SLIT2: variants seen among roughly 807,000 people sequenced by gnomAD.
SLIT2 encodes slit guidance ligand 2, also known as slit homolog 2 protein.
A neutral mutation model predicts 185.7 loss-of-function variants in SLIT2; 41 were observed. The ratio of observed to expected loss-of-function variants is 0.22; its 90% CI spans 0.17 to 0.29. The LOEUF (loss-of-function observed/expected upper bound fraction) is 0.29. Ranked by LOEUF, SLIT2 falls within the 10% of genes least tolerant of loss-of-function variation. The pLI is 1.00. For synonymous variants in SLIT2, 693 were observed against 680.2 expected, an observed-to-expected ratio of 1.02 and a Z score of -0.29; for missense variants, 1,571 against 1,909.0, an observed-to-expected ratio of 0.82 and a Z score of 3.30.
rs901934103 is a variant in SLIT2 at position 20,602,246 on chromosome 4, G to A, written c.3692+3851G>A. 6.6e-5 allele frequency among the ~76,000 whole-genome samples: 10 copies of A among 152,240 alleles called. No individual in the cohort carries two copies. The Middle Eastern group carries it at 0.01, about 155-fold the overall frequency. On this transcript the variant is annotated intron_variant, in intron 33 of 36. Coordinates refer to ENST00000504154, the MANE Select transcript of SLIT2 (RefSeq NM_004787.4). The stretch of plus-strand genomic sequence containing the variant: ...TTTTACAAAAGTTAATGAAAAATAT[G>A]TGCTTCTTTCTTTAAATTCAAATTA...
chr4:20,567,171 A>T (rs1036276241), intron 26 of SLIT2, 91 bp from the exon 27 acceptor site: 18 of 1,114,320 alleles, frequency 1.6e-5, no homozygotes, highest in Non-Finnish European at 2.3e-5. Flanking sequence ...TAATAATTTT[A>T]TATGAAATTT....
Position 20,553,771 on chromosome 4 carries a change from ATGTGTGTGTGCTTC to A in SLIT2, c.2562-29_2562-16del, listed in dbSNP as rs1560190287. ...TGTGTGTGTGTATGTGTGTGTGTGTATGTGTGTGTGCTTCTGTGGTGTTGTTTTTCCAGAGCAAT... is the reference window on the plus strand; with the variant it reads ...TGTGTGTGTGTATGTGTGTGTGTGTATGTGGTGTTGTTTTTCCAGAGCAAT... On this transcript the variant is annotated intron_variant, in intron 25 of 36. Transcript: ENST00000504154. 2 of 1,496,426 alleles carry A rather than the reference ATGTGTGTGTGCTTC, an allele frequency of 1.3e-6. No homozygotes were observed. The highest frequency in any genetic ancestry group is 1.8e-6 in the Non-Finnish European group (2 of 1,119,720). The allele number at this position is 1,496,426 out of a possible 1,614,324, so 92.7% of individuals were successfully genotyped here.
At chr4:20,377,328 A>G (rs1392576538) in intron 4 of SLIT2, among the ~76,000 whole-genome samples, 1 of 152,186 alleles carries the variant, frequency 6.6e-6, no homozygotes, top group Non-Finnish European at 1.5e-5. Flanking sequence ...GAATACATCT[A>G]TTAAGATTAA....
chr4:20,394,219 T>G (rs1725693026), intron 4 of SLIT2, among the ~76,000 whole-genome samples: 1 of 151,744 alleles, frequency 6.6e-6, no homozygotes, highest in South Asian at 2.1e-4. Context: ...AAAAAGGAGT[T>G]TGAAAATATA....
At chr4:20,409,081 G>T (rs1727000006) in intron 4 of SLIT2, among the ~76,000 whole-genome samples, 1 of 151,812 alleles carries the variant, frequency 6.6e-6, no homozygotes, top group Non-Finnish European at 1.5e-5. Flanking sequence ...TCCAACTTTT[G>T]TTTTAAGTTT....
chr4:20,354,567 T>C (rs988864056), intron 4 of SLIT2, among the ~76,000 whole-genome samples: 3 of 152,170 alleles, frequency 2.0e-5, no homozygotes, highest in Non-Finnish European at 2.9e-5. Flanking sequence ...CAAAAATATA[T>C]AAACCTTTTC....
At chr4:20,515,459 C>T (rs1720111649) in intron 11 of SLIT2, among the ~76,000 whole-genome samples, 1 of 152,082 alleles carries the variant, frequency 6.6e-6, no homozygotes, top group Non-Finnish European at 1.5e-5. Flanking sequence ...AACTAGCTCC[C>T]AAATTCCACA....
At chr4:20,317,408 A>G (rs1028771380) in intron 4 of SLIT2, among the ~76,000 whole-genome samples, 5 of 152,064 alleles carry the variant, frequency 3.3e-5, no homozygotes, top group Admixed American at 1.3e-4. Context: ...CCTACAGCAT[A>G]GCAAATTCCA....
intron 4 of SLIT2, among the ~76,000 whole-genome samples, chr4:20,301,428 C>A (rs568204897): frequency 6.6e-6 from 1 of 152,098 alleles, no homozygotes; most frequent in Non-Finnish European, 1.5e-5. Flanking sequence ...TACCCAATTA[C>A]CCTTTTGTTC....
chr4:20,358,940 C>G (rs912591785), intron 4 of SLIT2, among the ~76,000 whole-genome samples: 2 of 151,936 alleles, frequency 1.3e-5, no homozygotes, highest in Non-Finnish European at 2.9e-5. Flanking sequence ...AAAATTCGGA[C>G]AATCATTTTG....
chr4:20,467,561 A>G (rs1714494403), intron 4 of SLIT2, among the ~76,000 whole-genome samples, 191 bp from the exon 5 acceptor site: 1 of 151,474 alleles, frequency 6.6e-6, no homozygotes, highest in Non-Finnish European at 1.5e-5. Flanking sequence ...CATTATTCCA[A>G]CTTTTTAATT....
At chr4:20,345,538 T>TC (rs1377050919) in intron 4 of SLIT2, among the ~76,000 whole-genome samples, 2 of 110,792 alleles carry the variant, frequency 1.8e-5, no homozygotes. Flanking sequence ...TCCTTTTTTC[T>TC]TTTTTCTTTT....
intron 4 of SLIT2, among the ~76,000 whole-genome samples, chr4:20,414,146 T>C (rs1258272908): frequency 6.6e-6 from 1 of 152,162 alleles, no homozygotes; most frequent in Admixed American, 6.5e-5. Flanking sequence ...TTTTGCTTTG[T>C]TTGATTTTCT....
chr4:20,589,727 A>G lies in SLIT2; in HGVS notation c.3172A>G (p.Lys1058Glu), dbSNP rs1272275751. 1 of 1,612,920 alleles carries G rather than the reference A, an allele frequency of 6.2e-7. No homozygotes were observed. Among genetic ancestry groups the G allele is most frequent in the South Asian group, 1.1e-5 (1 of 90,850 alleles). ...QHDSKCILTP[K>E]GFKCDCTPGY... Reference sequence around the variant, plus strand: ...CGATTCAAAGTGCATCCTAACTCCAAAGGGATTCAAGTAAGTCAAAAGCTA... The same window carrying G: ...CGATTCAAAGTGCATCCTAACTCCAGAGGGATTCAAGTAAGTCAAAAGCTA... Residue 1058 changes from lysine (K) to glutamate (E), a missense_variant, in exon 30 of 37, where the codon AAG becomes GAG. Lys to Glu is a moderately conservative substitution (Grantham distance 56, BLOSUM62 1). This residue lies in a region of SLIT2 where 1,202 missense variants were observed against 1,416.4 expected (regional missense o/e 0.85). Transcript: ENST00000504154.
At chr4:20,531,560 C>T (rs532676581) in intron 16 of SLIT2, among the ~76,000 whole-genome samples, 12 of 152,242 alleles carry the variant, frequency 7.9e-5, no homozygotes, top group Non-Finnish European at 1.3e-4. Context: ...GGTTCCACAA[C>T]TGAATTGTAT....
At chr4:20,573,960 T>TTATTTATG (rs1725851165) in intron 29 of SLIT2, among the ~76,000 whole-genome samples, 1 of 151,010 alleles carries the variant, frequency 6.6e-6, no homozygotes, top group Admixed American at 6.6e-5. Context: ...ATTTATTTAT[T>TTATTTATG]TATTTATTTA....
intron 4 of SLIT2, among the ~76,000 whole-genome samples, chr4:20,428,102 T>C (rs1728694345): frequency 6.6e-6 from 1 of 152,238 alleles, no homozygotes. Context: ...TTTAAACCCA[T>C]GTTTGACTCT....
intron 29 of SLIT2, among the ~76,000 whole-genome samples, chr4:20,579,172 T>G (rs1310961756): frequency 6.6e-6 from 1 of 151,658 alleles, no homozygotes; most frequent in African/African-American, 2.4e-5. Context: ...TGGTGGTGCG[T>G]GCCTGTAATC....
intron 4 of SLIT2, among the ~76,000 whole-genome samples, chr4:20,384,574 G>A (rs1724788115): frequency 6.6e-6 from 1 of 152,092 alleles, no homozygotes; most frequent in African/African-American, 2.4e-5. Context: ...ACTGACAGTT[G>A]TGTCACTAAG....
Sources: allele counts gnomAD v4.1 joint callset (sites outside exome capture counted in the v4.1 genomes callset), GRCh38; gene constraint gnomAD v4.1.1; regional missense constraint gnomAD v4.1.1; transcripts MANE v1.5; gene names NCBI Gene and HGNC (gene_info 2026-07-23, HGNC 2026-07-21).